WDR49: variants seen among roughly 807,000 people sequenced by gnomAD.
WDR49 encodes WD repeat domain 49.
WDR49 carries 107 observed loss-of-function variants against 119.5 expected under a neutral mutation model. The ratio of observed to expected loss-of-function variants is 0.90; its 90% confidence interval spans 0.77 to 1.05. The LOEUF is 1.05. Among genes scored for constraint, WDR49 ranks in the 50% least tolerant of loss-of-function variants. The pLI is 0.00. For missense variants in WDR49, 1,240 were observed against 1,220.5 expected, an observed-to-expected ratio of 1.02 and a Z score of -0.24; for synonymous variants, 425 against 418.8, an observed-to-expected ratio of 1.01 and a Z score of -0.18.
intron 18 of WDR49, among the ~76,000 whole-genome samples, chr3:167,499,818 T>C (rs1376369957): frequency 6.6e-6 from 1 of 152,218 alleles, no homozygotes; most frequent in African/African-American, 2.4e-5. Flanking sequence ...AGTGGTCTTA[T>C]GATGGCTTCC....
intron 4 of WDR49, 127 bp downstream of exon 4, chr3:167,621,340 C>T: frequency 1.0e-6 from 1 of 964,530 alleles, no homozygotes; most frequent in Admixed American, 3.3e-5. Flanking sequence ...TCTTCCATGT[C>T]CAATGTGCAT....
At chr3:167,502,984 C>T (rs554556016) in intron 17 of WDR49, among the ~76,000 whole-genome samples, 2 of 152,296 alleles carry the variant, frequency 1.3e-5, no homozygotes, top group Non-Finnish European at 2.9e-5. Context: ...AGCTAATATC[C>T]AAGACAACAG....
intron 15 of WDR49, among the ~76,000 whole-genome samples, chr3:167,525,233 T>C (rs1206314185): frequency 1.3e-5 from 2 of 152,124 alleles, no homozygotes; most frequent in African/African-American, 2.4e-5. Context: ...ACAGGAATGC[T>C]TGTGATTTTT....
chr3:167,502,071 T>G (rs1375417799), intron 17 of WDR49, among the ~76,000 whole-genome samples: 1 of 152,138 alleles, frequency 6.6e-6, no homozygotes, highest in African/African-American at 2.4e-5. Flanking sequence ...TTGGTGCCAT[T>G]CCCTTGGTGC....
At chr3:167,596,820 T>G (rs928093118) in intron 7 of WDR49, among the ~76,000 whole-genome samples, 4 of 151,146 alleles carry the variant, frequency 2.6e-5, no homozygotes, top group African/African-American at 4.9e-5. Context: ...TATATACATA[T>G]GTAACTAACC....
rs745770618 is a variant in WDR49, at chr3:167,537,018, G to A, written c.1824-18C>T. 16 of 1,557,210 alleles carry A rather than the reference G, an allele frequency of 1.0e-5. No homozygotes were observed. Among genetic ancestry groups the A allele is most frequent in the Non-Finnish European group, 1.4e-5 (16 of 1,152,896 alleles). ...TAATAGCCCTAGCAAAAAGGATATA[G>A]AATTTAGCTGTGGATCTAAAATTGA... On this transcript the variant is annotated intron_variant, in intron 10 of 18. Transcript: ENST00000682715.
chr3:167,508,488 C>A lies in WDR49; in HGVS notation c.2775-3072G>T, dbSNP rs150724174. On this transcript the variant is annotated intron_variant, in intron 16 of 18. Transcript: ENST00000682715. ...ATTAAATGAGGTAAACACATAAAGA[C>A]CTTAGAACAGGCCCTGAAATATAAT... 7.2e-3 allele frequency among the ~76,000 whole-genome samples: 1,093 copies of A among 152,204 alleles called. 15 individuals are homozygous for A. The highest frequency in any genetic ancestry group is 0.025 in the African/African-American group (1,037 of 41,528).
intron 18 of WDR49, among the ~76,000 whole-genome samples, chr3:167,489,268 A>T (rs1361639594): frequency 1.3e-5 from 2 of 152,096 alleles, no homozygotes; most frequent in African/African-American, 4.8e-5. Context: ...CACATGAATG[A>T]AGGAACTTTC....
intron 4 of WDR49, 120 bp downstream of exon 4, chr3:167,621,347 G>A (rs1354335570): frequency 2.0e-6 from 2 of 1,014,718 alleles, no homozygotes; most frequent in Non-Finnish European, 2.7e-6. Context: ...TGTCCAATGT[G>A]CATGTAATCC....
At position 167,536,916 on chromosome 3, in the gene WDR49, A is replaced by G. The variant is rs1352618582; in HGVS notation, c.1908T>C (p.Asp636=). The G allele has an allele frequency of 1.9e-6, 3 of 1,551,002 alleles. No individual in the cohort carries two copies. Among genetic ancestry groups the G allele is most frequent in the Non-Finnish European group, 1.7e-6 (2 of 1,149,216 alleles). The change falls in exon 11 of 19, where the codon GAT becomes GAC. Residue 636 remains aspartate, a synonymous_variant. Coordinates refer to ENST00000682715, the MANE Select transcript of WDR49 (RefSeq NM_001366157.1). ...EEWKGGIQHH[D]DILCAAFLPP... is the part of the protein sequence containing the mutation. ...GTAAAAACGCAGCACACAAGATGTC[A>G]TCATGGTGCTGTATACCTCCTTTCC...
At chr3:167,515,643 T>C (rs929007694) in intron 16 of WDR49, among the ~76,000 whole-genome samples, 9 of 152,090 alleles carry the variant, frequency 5.9e-5, no homozygotes, top group African/African-American at 2.2e-4. Flanking sequence ...GCCAGGGCAA[T>C]CAGGCAAGAG....
At position 167,650,603 on chromosome 3, in the gene WDR49, C is replaced by A. The variant is rs1371105888; in HGVS notation, c.165+2658G>T. On this transcript the variant is annotated intron_variant, in intron 2 of 18. Coordinates refer to ENST00000682715, the MANE Select transcript of WDR49 (RefSeq NM_001366157.1). ...TTGACTCTTCTATGTGAATTTATGT[C>A]TTTGCAGCTCTAACCACTTCCTTCC... Among the ~76,000 whole-genome samples the A allele has an allele frequency of 2.0e-5, 3 of 152,190 alleles. No homozygotes were observed. In the East Asian group the frequency reaches 5.8e-4, roughly 29 times the overall value.
chr3:167,604,240 C>T (rs1715923744), intron 6 of WDR49, 61 bp downstream of exon 6: 1 of 1,577,546 alleles, frequency 6.3e-7, no homozygotes, highest in Non-Finnish European at 8.6e-7. Flanking sequence ...TCCATGCATA[C>T]AAATATACAT....
chr3:167,512,761 CA>C (rs1270257421), intron 16 of WDR49, among the ~76,000 whole-genome samples: 1 of 152,112 alleles, frequency 6.6e-6, no homozygotes, highest in African/African-American at 2.4e-5. Context: ...TAGAAAGTAA[CA>C]AAGATGACCT....
chr3:167,591,859 C>T (rs1157550416), intron 7 of WDR49, among the ~76,000 whole-genome samples: 1 of 151,826 alleles, frequency 6.6e-6, no homozygotes, highest in Non-Finnish European at 1.5e-5. Context: ...TCTGCTATGT[C>T]GTTTGATTGG....
chr3:167,605,094 G>GTA (rs201743226), intron 5 of WDR49, among the ~76,000 whole-genome samples: 1 of 133,216 alleles, frequency 7.5e-6, no homozygotes, highest in Non-Finnish European at 1.5e-5. Flanking sequence ...TGTAATATGT[G>GTA]TATATATATA....
chr3:167,529,186 T>TA lies in WDR49; in HGVS notation c.2271dup (p.Ile758TyrfsTer3). 1 of 1,611,298 alleles carries TA rather than the reference T, an allele frequency of 6.2e-7. No individual in the cohort carries two copies. The highest frequency in any genetic ancestry group is 8.5e-7 in the Non-Finnish European group (1 of 1,178,986). ...TCAGCCAGAAGTTGCTTCTTATATATATCCCAAAATCTGACATAACCAGAT... is the reference window on the plus strand; with the variant it reads ...TCAGCCAGAAGTTGCTTCTTATATATAATCCCAAAATCTGACATAACCAGAT... On this transcript the variant is annotated frameshift_variant, in exon 14 of 19. Coordinates refer to ENST00000682715, the MANE Select transcript of WDR49 (RefSeq NM_001366157.1). LOFTEE classifies it high-confidence loss of function.
intron 8 of WDR49, among the ~76,000 whole-genome samples, 192 bp from the exon 9 acceptor site, chr3:167,560,420 C>G (rs545754168): frequency 6.6e-6 from 1 of 152,102 alleles, no homozygotes. Context: ...GTAATGAAGT[C>G]GTGATCCTCT....
rs571750317 is a variant in WDR49 at position 167,529,127 on chromosome 3, A to G, written c.2331T>C (p.Ile777=). The change falls in exon 14 of 19, where the codon ATT becomes ATC. Residue 777 remains isoleucine, a synonymous_variant. Coordinates refer to ENST00000682715, the MANE Select transcript of WDR49 (RefSeq NM_001366157.1). ...FLAHSGVGSI[I]MSTDKMNRYL... is the part of the protein sequence containing the mutation. ...ATCGATTCATCTTATCAGTAGACAT[A>G]ATAATCGATCCAACTCCACTATGAG... The G allele has an allele frequency of 5.0e-6, 8 of 1,611,972 alleles. No homozygotes were observed. In the South Asian group the frequency reaches 8.8e-5, roughly 18 times the overall value.
Sources: gnomAD v4.1 joint callset for allele counts (sites outside exome capture counted in the v4.1 genomes callset) on GRCh38, gnomAD v4.1.1 for gene constraint, MANE v1.5 for transcripts, NCBI Gene and HGNC (gene_info 2026-07-23, HGNC 2026-07-21) for gene names.